Variants in CCDC112 observed in about 807,000 individuals in gnomAD.
CCDC112 encodes the protein coiled-coil domain-containing protein 112.
Under a neutral mutation model 66.3 loss-of-function variants are expected in CCDC112, and 40 were observed. That is an observed-to-expected ratio of 0.60 (90% CI 0.47 to 0.79). The LOEUF is 0.79. CCDC112 is among the 30% of genes least tolerant of loss of function. The pLI is 0.00. For missense variants in CCDC112, 659 were observed against 603.8 expected (o/e 1.09, Z -0.96); for synonymous variants, 214 against 197.2 (o/e 1.09, Z -0.71).
rs1298453061 is a variant in CCDC112, at chr5:115,284,777, T to C, written c.239+10A>G. 1.5e-5 allele frequency: 24 copies of C among 1,586,792 alleles called. No homozygotes were observed. Among genetic ancestry groups the C allele is most frequent in the Non-Finnish European group, 2.1e-5 (24 of 1,156,140 alleles). ...GTAATGTTATTTGAAGATTATATTC[T>C]TATACTTACTGATTTTTAAATTTTT... On this transcript the variant is annotated intron_variant, in intron 2 of 9. Transcript: ENST00000379611.
intron 2 of CCDC112, among the ~76,000 whole-genome samples, chr5:115,283,824 T>C (rs1471787202): frequency 6.6e-6 from 1 of 152,110 alleles, no homozygotes; most frequent in East Asian, 1.9e-4. Flanking sequence ...GGCAAATTGA[T>C]ACTATGTAGG....
chr5:115,273,936 TG>T (rs568984737), intron 6 of CCDC112, among the ~76,000 whole-genome samples: 1 of 152,130 alleles, frequency 6.6e-6, no homozygotes, highest in South Asian at 2.1e-4. Context: ...AATTTATTGC[TG>T]GGGGGAGGGA....
At chr5:115,286,242 T>C (rs1364895900) in intron 1 of CCDC112, among the ~76,000 whole-genome samples, 1 of 152,196 alleles carries the variant, frequency 6.6e-6, no homozygotes, top group Non-Finnish European at 1.5e-5. Flanking sequence ...ATTAATCTAC[T>C]TTCTGACTCT....
intron 4 of CCDC112, 100 bp downstream of exon 4, chr5:115,276,865 T>C: frequency 1.4e-6 from 1 of 692,928 alleles, no homozygotes; most frequent in Non-Finnish European, 2.4e-6. Context: ...GCTCCATTAA[T>C]AAACTTAAGT....
In CCDC112 at chr5:115,271,385, T is replaced by C. The variant is rs766841483; in HGVS notation, c.1160A>G (p.His387Arg). 1.2e-6 allele frequency: 2 copies of C among 1,610,718 alleles called. No individual in the cohort carries two copies. The highest frequency in any genetic ancestry group is 1.7e-6 in the Non-Finnish European group (2 of 1,179,430). ...AAACTGGCGCTGGCGTTCTTTCTGA[T>C]GTTTTTTCTCTTTCTCTTCTTCTTC... ...LKEEEEKEKK[H>R]QKERQRQFKL... Residue 387 changes from histidine to arginine, a missense_variant, in exon 7 of 10, where the codon CAT becomes CGT. By Grantham distance (29) the His-to-Arg change is conservative. Transcript: ENST00000379611.
chr5:115,268,276 C>CTTTA (rs752033869), intron 9 of CCDC112, among the ~76,000 whole-genome samples: 3 of 152,150 alleles, frequency 2.0e-5, no homozygotes, highest in African/African-American at 4.8e-5. Context: ...ACTACTTTTA[C>CTTTA]TTTATTTATT....
intron 1 of CCDC112, among the ~76,000 whole-genome samples, chr5:115,287,022 C>A (rs1749703293): frequency 6.6e-6 from 1 of 152,050 alleles, no homozygotes; most frequent in Admixed American, 6.5e-5. Flanking sequence ...TAAATATATC[C>A]CCCCATTCTC....
At chr5:115,287,456 C>T (rs1749722316) in intron 1 of CCDC112, among the ~76,000 whole-genome samples, 2 of 152,110 alleles carry the variant, frequency 1.3e-5, no homozygotes, top group African/African-American at 4.8e-5. Flanking sequence ...CTGCAGTAGG[C>T]CCCAAAAGAC....
rs554252326 is a variant in CCDC112 at position 115,268,782 on chromosome 5, T to C, written c.1547+100A>G. 10 of 415,604 alleles carry C rather than the reference T, an allele frequency of 2.4e-5. No homozygotes were observed. The Admixed American group carries it at 3.1e-4, about 13-fold the overall frequency. The allele number at this position is 415,604 out of a possible 1,614,324, so 25.7% of individuals were successfully genotyped here. A position where few individuals can be genotyped will look rare whatever the true frequency, so the allele number is the denominator to read the frequency against. On this transcript the variant is annotated intron_variant, in intron 9 of 9. Coordinates refer to ENST00000379611, the MANE Select transcript of CCDC112 (RefSeq NM_001040440.3). ...TACACACTTACATATTATATTTTCATATATATATGAAAAATATAATTTACA... is the reference window on the plus strand; with the variant it reads ...TACACACTTACATATTATATTTTCACATATATATGAAAAATATAATTTACA...
At position 115,296,535 on chromosome 5, in the gene CCDC112, T is replaced by A. The variant is rs1238384298; in HGVS notation, c.9A>T (p.Ala3=). The A allele has an allele frequency of 6.6e-7, 1 of 1,512,116 alleles. No homozygotes were observed. Among genetic ancestry groups the A allele is most frequent in the Non-Finnish European group, 8.8e-7 (1 of 1,133,788 alleles). The allele number at this position is 1,512,116 out of a possible 1,614,324, so 93.7% of individuals were successfully genotyped here. ...CAGCCGCTACCACAACCGTCGTCAG[T>A]GCGGCCATGTTTACCCGCCGAGCTA... MA[A]LTTVVVAAAA... Residue 3 remains alanine, a synonymous_variant, in exon 1 of 10, where the codon GCA becomes GCT. Coordinates refer to ENST00000379611, the MANE Select transcript of CCDC112 (RefSeq NM_001040440.3).
chr5:115,283,897 A>T (rs999690458), intron 2 of CCDC112, among the ~76,000 whole-genome samples: 4 of 152,092 alleles, frequency 2.6e-5, no homozygotes, highest in Non-Finnish European at 5.9e-5. Context: ...TTGAGTTCTA[A>T]TTCTTTTTAA....
chr5:115,295,322 C>A (rs1035323745), intron 1 of CCDC112, among the ~76,000 whole-genome samples: 1 of 152,152 alleles, frequency 6.6e-6, no homozygotes, highest in African/African-American at 2.4e-5. Flanking sequence ...AGAAAGCCAG[C>A]AACATGGTGT....
At chr5:115,294,824 C>G (rs1750080035) in intron 1 of CCDC112, among the ~76,000 whole-genome samples, 1 of 152,152 alleles carries the variant, frequency 6.6e-6, no homozygotes, top group South Asian at 2.1e-4. Context: ...CATGTAAACT[C>G]CTAAACATTA....
chr5:115,267,615 T>C lies in CCDC112; in HGVS notation c.*261A>G, dbSNP rs1174661216. On this transcript the variant is annotated 3_prime_UTR_variant, in exon 10 of 10. Coordinates refer to ENST00000379611, the MANE Select transcript of CCDC112 (RefSeq NM_001040440.3). ...CTTTGAAATGTTTTCAGTATTTAAA[T>C]TGAATAATGTTTCTAACATTAACTT... 2 of 351,546 alleles carry C rather than the reference T, an allele frequency of 5.7e-6. No homozygotes were observed. The highest frequency in any genetic ancestry group is 2.1e-5 in the African/African-American group (1 of 46,686). The allele number at this position is 351,546 out of a possible 1,614,324, so 21.8% of individuals were successfully genotyped here. A position where few individuals can be genotyped will look rare whatever the true frequency, so the allele number is the denominator to read the frequency against.
intron 2 of CCDC112, among the ~76,000 whole-genome samples, chr5:115,279,999 A>G (rs1202709523): frequency 1.3e-5 from 2 of 152,228 alleles, no homozygotes; most frequent in East Asian, 3.8e-4. Flanking sequence ...TGTAAATCAT[A>G]AAATGATAAT....
At chr5:115,284,121 G>A (rs776256320) in intron 2 of CCDC112, among the ~76,000 whole-genome samples, 5 of 151,754 alleles carry the variant, frequency 3.3e-5, no homozygotes, top group African/African-American at 4.8e-5. Context: ...AAAAAAGTAA[G>A]AGCACAGACT....
At chr5:115,281,081 T>C (rs551242899) in intron 2 of CCDC112, among the ~76,000 whole-genome samples, 5 of 151,774 alleles carry the variant, frequency 3.3e-5, no homozygotes, top group Admixed American at 2.0e-4. Flanking sequence ...TGGAGTGCAG[T>C]GGTGCGATTT....
intron 2 of CCDC112, among the ~76,000 whole-genome samples, chr5:115,284,311 C>T (rs560180372): frequency 5.5e-4 from 84 of 152,188 alleles, no homozygotes; most frequent in African/African-American, 1.7e-3. Flanking sequence ...GATGTTTATC[C>T]TCTATGATCC....
rs778558083 is a variant in CCDC112 at position 115,279,657 on chromosome 5, C to T, written c.351G>A (p.Arg117=). ...EELENKLIHS[R]KTERAKIQQQ... ...ACAAACTCAACTTACTTTCTGTTTT[C>T]CTGCTGTGAATCAATTTATTTTCCA... Residue 117 remains arginine (R), a synonymous_variant, in exon 3 of 10, where the codon AGG becomes AGA. Transcript: ENST00000379611. The T allele has an allele frequency of 2.5e-6, 4 of 1,611,400 alleles. No homozygotes were observed. The highest frequency in any genetic ancestry group is 3.4e-6 in the Non-Finnish European group (4 of 1,179,294).
Sources: gnomAD v4.1 joint callset for allele counts (sites outside exome capture counted in the v4.1 genomes callset) on GRCh38, gnomAD v4.1.1 for gene constraint, MANE v1.5 for transcripts, NCBI Gene and HGNC (gene_info 2026-07-23, HGNC 2026-07-21) for gene names.